Variants in DCHS2 observed in about 807,000 individuals in gnomAD.
DCHS2 encodes the protein dachsous cadherin-related 2, also known as protocadherin-23.
A neutral mutation model predicts 182.4 loss-of-function variants in DCHS2; 142 were observed. That is an observed-to-expected ratio of 0.78 (90% CI 0.68 to 0.89). The LOEUF (loss-of-function observed/expected upper bound fraction) is 0.89. Among genes scored for constraint, DCHS2 ranks in the 40% least tolerant of loss-of-function variants. The pLI, the probability that DCHS2 is intolerant of heterozygous loss-of-function variation, is 0.00. For missense variants in DCHS2, 4,319 were observed against 4,198.6 expected, an observed-to-expected ratio of 1.03 and a Z score of -0.79; for synonymous variants, 1,740 against 1,663.3, an observed-to-expected ratio of 1.05 and a Z score of -1.12.
chr4:154,301,423 T>C (rs957130258), intron 12 of DCHS2, among the ~76,000 whole-genome samples: 3 of 152,142 alleles, frequency 2.0e-5, no homozygotes, highest in Non-Finnish European at 4.4e-5. Context: ...TTTCAGTTCT[T>C]ACATCTGTAA....
intron 3 of DCHS2, among the ~76,000 whole-genome samples, chr4:154,361,333 G>T (rs1344163889): frequency 6.6e-6 from 1 of 151,578 alleles, no homozygotes; most frequent in African/African-American, 2.4e-5. Context: ...TAAAATAAAA[G>T]TTGAAAAAAA....
chr4:154,304,563 G>C, intron 12 of DCHS2, 106 bp downstream of exon 12: 1 of 942,584 alleles, frequency 1.1e-6, no homozygotes, highest in Non-Finnish European at 1.5e-6. Context: ...AACCTGGGAG[G>C]TGAAGTTGCA....
At chr4:154,422,222 T>A (rs1473746937) in intron 1 of DCHS2, among the ~76,000 whole-genome samples, 1 of 152,162 alleles carries the variant, frequency 6.6e-6, no homozygotes, top group African/African-American at 2.4e-5. Flanking sequence ...CTGCCCATGA[T>A]CTCAAGCCCA....
intron 1 of DCHS2, among the ~76,000 whole-genome samples, chr4:154,379,650 A>G (rs1309443319): frequency 6.6e-6 from 1 of 152,214 alleles, no homozygotes; most frequent in Non-Finnish European, 1.5e-5. Flanking sequence ...TTCATCACCT[A>G]CAATATTTGT....
Position 154,377,364 on chromosome 4 carries a change from T to C in DCHS2, c.2133A>G (p.Ala711=). The change falls in exon 2 of 20, where the codon GCA becomes GCG. Residue 711 remains alanine (A), a synonymous_variant. Coordinates refer to ENST00000357232, the MANE Select transcript of DCHS2 (RefSeq NM_001358235.2). The stretch of plus-strand genomic sequence containing the variant: ...GAGGGTCGATCCGGAATGCCTGAGG[T>C]GCTTCATAGCTCAGGAATCCATCAT... ...SLYDGFLSYE[A]PQAFRIDPHD... 1 of 1,613,588 alleles carries C rather than the reference T, an allele frequency of 6.2e-7. No individual in the cohort carries two copies. Among genetic ancestry groups the C allele is most frequent in the Non-Finnish European group, 8.5e-7 (1 of 1,179,676 alleles).
intron 14 of DCHS2, among the ~76,000 whole-genome samples, chr4:154,264,614 A>G (rs1733155834): frequency 6.6e-6 from 1 of 152,228 alleles, no homozygotes; most frequent in Admixed American, 6.5e-5. Flanking sequence ...GGGATGCCAG[A>G]AGCCAGTAGA....
rs945116690 is a variant in DCHS2, at chr4:154,232,431, G to A, written c.*2105C>T. ...TCTATTACATGTCTTCTCTTGTTAT[G>A]CAATGGCTAGAAAACATACAGAATC... On this transcript the variant is annotated 3_prime_UTR_variant, in exon 20 of 20. Transcript: ENST00000357232. 2.6e-5 allele frequency: 4 copies of A among 152,026 alleles called. 1 individual carries two copies. The highest frequency in any genetic ancestry group is 4.4e-5 in the Non-Finnish European group (3 of 68,006). The allele number at this position is 152,026 out of a possible 1,614,324, so 9.4% of individuals were successfully genotyped here. A position where few individuals can be genotyped will look rare whatever the true frequency, so the allele number is the denominator to read the frequency against.
rs767879374 is a variant in DCHS2, at chr4:154,242,746, C to T, written c.6968G>A (p.Gly2323Glu). ...AGTCGTATTAGAAAGCCTGGGCATCCCTTTATCTGTGGCTTGGACAATCAA... is the reference window on the plus strand; with the variant it reads ...AGTCGTATTAGAAAGCCTGGGCATCTCTTTATCTGTGGCTTGGACAATCAA... ...YSLIVQATDK[G>E]MPRLSNTTVI... Residue 2323 changes from glycine (G) to glutamate (E), a missense_variant, in exon 17 of 20, where the codon GGG (glycine) becomes GAG (glutamate). Transcript: ENST00000357232. 2 of 1,611,756 alleles carry T rather than the reference C, an allele frequency of 1.2e-6. No homozygotes were observed. The highest frequency in any genetic ancestry group is 2.2e-5 in the South Asian group (2 of 90,836).
rs143831376 is a variant in DCHS2 at position 154,323,532 on chromosome 4, C to T, written c.4019-1044G>A. 3.9e-3 allele frequency among the ~76,000 whole-genome samples: 594 copies of T among 152,172 alleles called. 5 individuals are homozygous for T. Among genetic ancestry groups the T allele is most frequent in the Middle Eastern group, 0.01 (3 of 294 alleles). On this transcript the variant is annotated intron_variant, in intron 7 of 19. Transcript: ENST00000357232. ...CCCCCCACTGATGCACAGCCTAGAT[C>T]CATTAATTATTCTTTAAGTTTTGTG...
intron 9 of DCHS2, among the ~76,000 whole-genome samples, chr4:154,318,237 GTATATACA>G (rs1183047879): frequency 1.3e-5 from 2 of 150,890 alleles, no homozygotes; most frequent in African/African-American, 4.9e-5. Flanking sequence ...CGTTATATAA[GTATATACA>G]TATATACATA....
intron 19 of DCHS2, among the ~76,000 whole-genome samples, chr4:154,237,903 G>C (rs1238650313): frequency 6.6e-6 from 1 of 152,128 alleles, no homozygotes; most frequent in African/African-American, 2.4e-5. Context: ...CAATAGCTTA[G>C]TGCGTTTAAT....
chr4:154,393,235 A>T (rs754960296), intron 1 of DCHS2, among the ~76,000 whole-genome samples: 1 of 152,214 alleles, frequency 6.6e-6, no homozygotes, highest in Non-Finnish European at 1.5e-5. Flanking sequence ...AACTCTAAAC[A>T]TGCCACTAAA....
At chr4:154,332,051 T>TA (rs1736557251) in intron 5 of DCHS2, among the ~76,000 whole-genome samples, 1 of 152,226 alleles carries the variant, frequency 6.6e-6, no homozygotes, top group Non-Finnish European at 1.5e-5. Flanking sequence ...ACATTGATGA[T>TA]ATTTATATTT....
chr4:154,258,215 C>A (rs944711204), intron 15 of DCHS2, among the ~76,000 whole-genome samples: 3 of 152,104 alleles, frequency 2.0e-5, no homozygotes, highest in Admixed American at 6.6e-5. Flanking sequence ...ACAAAATACA[C>A]CTGCAGTCAT....
intron 1 of DCHS2, among the ~76,000 whole-genome samples, chr4:154,382,158 A>T (rs1731199258): frequency 6.6e-6 from 1 of 152,146 alleles, no homozygotes; most frequent in Non-Finnish European, 1.5e-5. Flanking sequence ...GATCTTTGAC[A>T]AAGTTGAATA....
At chr4:154,410,482 A>G (rs1732579571) in intron 1 of DCHS2, among the ~76,000 whole-genome samples, 1 of 148,986 alleles carries the variant, frequency 6.7e-6, no homozygotes, top group South Asian at 2.1e-4. Flanking sequence ...AAAAAAAAAA[A>G]AAAAGAAAAT....
intron 1 of DCHS2, among the ~76,000 whole-genome samples, chr4:154,432,213 CT>C (rs1733587696): frequency 6.6e-6 from 1 of 152,186 alleles, no homozygotes; most frequent in Admixed American, 6.5e-5. Flanking sequence ...AATAGTCCAT[CT>C]TTTTACATAT....
chr4:154,334,686 A>G (rs935611907), intron 4 of DCHS2, 182 bp downstream of exon 4: 8 of 562,862 alleles, frequency 1.4e-5, no homozygotes, highest in Non-Finnish European at 2.2e-5. Flanking sequence ...ATCAGAAAAA[A>G]AATTGTGGGA....
At chr4:154,413,116 C>A (rs1732697373) in intron 1 of DCHS2, among the ~76,000 whole-genome samples, 1 of 152,168 alleles carries the variant, frequency 6.6e-6, no homozygotes, top group Middle Eastern at 3.2e-3. Context: ...ATAGAAACAT[C>A]CAACCACTGG....
Sources: allele counts gnomAD v4.1 joint callset (sites outside exome capture counted in the v4.1 genomes callset), GRCh38; gene constraint gnomAD v4.1.1; transcripts MANE v1.5; gene names NCBI Gene and HGNC (gene_info 2026-07-23, HGNC 2026-07-21).